Variants in SLC36A4 observed in about 807,000 individuals in gnomAD.
SLC36A4 encodes the protein neutral amino acid uniporter 4.
A neutral mutation model predicts 50.5 loss-of-function variants in SLC36A4; 49 were observed. The observed-to-expected ratio is 0.97, with a 90% CI of 0.77 to 1.23. The LOEUF (loss-of-function observed/expected upper bound fraction) is 1.23. Among genes scored for constraint, SLC36A4 ranks in the 50% most tolerant of loss-of-function variants. The pLI, the probability that SLC36A4 is intolerant of heterozygous loss-of-function variation, is 0.00. For missense variants in SLC36A4, 611 were observed against 608.4 expected, an observed-to-expected ratio of 1.00 and a Z score of -0.05; for synonymous variants, 207 against 206.5, an observed-to-expected ratio of 1.00 and a Z score of -0.02.
In SLC36A4 at chr11:93,197,958, C is replaced by T. The variant is rs1028418666; in HGVS notation, c.-126G>A. 10 of 1,001,108 alleles carry T rather than the reference C, an allele frequency of 1.0e-5. No individual in the cohort carries two copies. Among genetic ancestry groups the T allele is most frequent in the Non-Finnish European group, 1.2e-5 (9 of 738,918 alleles). 62.0% of individuals were successfully genotyped at this position (1,001,108 alleles called of 1,614,324 possible). A position where few individuals can be genotyped will look rare whatever the true frequency, so the allele number is the denominator to read the frequency against. ...CGCGCCTGGTGCCCGCCTCCCTGCC[C>T]CGGCGCTCCCCAACCGCGCGGCGAG... On this transcript the variant is annotated 5_prime_UTR_variant, in exon 1 of 11. Coordinates refer to ENST00000326402, the MANE Select transcript of SLC36A4 (RefSeq NM_152313.4).
At chr11:93,173,438 C>T (rs1390393114) in intron 6 of SLC36A4, among the ~76,000 whole-genome samples, 59 of 147,800 alleles carry the variant, frequency 4.0e-4, no homozygotes, top group African/African-American at 1.4e-3. Context: ...TGTGCAGAAG[C>T]TCTTTAGTTT....
chr11:93,169,929 T>C (rs545090172), intron 6 of SLC36A4, among the ~76,000 whole-genome samples: 1 of 152,182 alleles, frequency 6.6e-6, no homozygotes, highest in African/African-American at 2.4e-5. Flanking sequence ...CAAGGATAAC[T>C]GGCAAGAGAA....
At chr11:93,172,894 T>A (rs369424801) in intron 6 of SLC36A4, among the ~76,000 whole-genome samples, 2 of 135,792 alleles carry the variant, frequency 1.5e-5, no homozygotes, top group Admixed American at 1.5e-4. Context: ...TGAATAATGC[T>A]GCAATAAACA....
chr11:93,173,273 G>A (rs1281093869), intron 6 of SLC36A4, among the ~76,000 whole-genome samples: 1 of 150,008 alleles, frequency 6.7e-6, no homozygotes, highest in Non-Finnish European at 1.5e-5. Context: ...CATGTCCTTC[G>A]CCCACTTTTT....
chr11:93,155,528 G>A (rs577763515), intron 9 of SLC36A4: 107 of 151,978 alleles, frequency 7.0e-4, no homozygotes, highest in African/African-American at 2.5e-3. Flanking sequence ...TATAAATGTC[G>A]ACATTAATGG....
At chr11:93,192,589 T>C (rs571013488) in intron 1 of SLC36A4, among the ~76,000 whole-genome samples, 1 of 152,360 alleles carries the variant, frequency 6.6e-6, no homozygotes, top group Admixed American at 6.5e-5. Flanking sequence ...TTAATTTTAA[T>C]ATTTTATTTA....
At chr11:93,159,877 GC>G in intron 9 of SLC36A4, 2 of 985,254 alleles carry the variant, frequency 2.0e-6, no homozygotes, top group Non-Finnish European at 2.4e-6. Context: ...CTGAGACTTT[GC>G]CAATCTGTAC....
chr11:93,183,271 G>A (rs1055366885), intron 3 of SLC36A4, among the ~76,000 whole-genome samples: 4 of 152,090 alleles, frequency 2.6e-5, no homozygotes, highest in East Asian at 3.9e-4. Context: ...AATATCAAAC[G>A]GAGACTGTGA....
At chr11:93,158,952 C>A (rs1389654967) in intron 9 of SLC36A4, among the ~76,000 whole-genome samples, 1 of 152,034 alleles carries the variant, frequency 6.6e-6, no homozygotes, top group Non-Finnish European at 1.5e-5. Context: ...TTTTAAAACT[C>A]CTCGCTGCCA....
At chr11:93,185,441 C>T (rs1861940688) in intron 2 of SLC36A4, 1 of 303,984 alleles carries the variant, frequency 3.3e-6, no homozygotes, top group Non-Finnish European at 6.0e-6. Context: ...CATTCCTGTT[C>T]CACTTAATCA....
intron 8 of SLC36A4, among the ~76,000 whole-genome samples, chr11:93,164,394 A>G (rs1195519151): frequency 6.6e-6 from 1 of 152,238 alleles, no homozygotes; most frequent in Non-Finnish European, 1.5e-5. Flanking sequence ...ATTAGGCCAT[A>G]CAGTCAAAGA....
intron 6 of SLC36A4, among the ~76,000 whole-genome samples, chr11:93,174,019 T>G (rs1861326330): frequency 6.7e-6 from 1 of 150,106 alleles, no homozygotes; most frequent in Admixed American, 6.6e-5. Flanking sequence ...TGGCATTGAA[T>G]CTGTAAATTA....
At chr11:93,160,527 G>A (rs552311894) in intron 9 of SLC36A4, 34 of 985,270 alleles carry the variant, frequency 3.5e-5, no homozygotes, top group Non-Finnish European at 4.1e-5. Flanking sequence ...GAAAAGGGAA[G>A]GATTAATTGG....
chr11:93,162,908 G>T (rs1228057681), intron 8 of SLC36A4, 33 bp from the exon 9 acceptor site: 8 of 1,580,882 alleles, frequency 5.1e-6, no homozygotes, highest in Non-Finnish European at 6.9e-6. Flanking sequence ...TTTTTTAAGG[G>T]AATACAAGTA....
intron 4 of SLC36A4, 26 bp from the exon 5 acceptor site, chr11:93,181,812 A>T (rs1488371435): frequency 2.0e-6 from 3 of 1,514,260 alleles, no homozygotes; most frequent in Admixed American, 4.6e-5. Flanking sequence ...ATACATACAA[A>T]GGAAAAAAGA....
intron 6 of SLC36A4, among the ~76,000 whole-genome samples, chr11:93,176,651 C>G (rs544900854): frequency 6.6e-6 from 1 of 151,940 alleles, no homozygotes. Flanking sequence ...CTGGTAGTGA[C>G]AAAATCTCTC....
At chr11:93,183,480 T>C (rs1861829580) in intron 3 of SLC36A4, among the ~76,000 whole-genome samples, 1 of 152,108 alleles carries the variant, frequency 6.6e-6, no homozygotes, top group South Asian at 2.1e-4. Context: ...GTTTTTATCA[T>C]CTAAATTAGG....
At chr11:93,156,281 G>C (rs1420286175) in intron 9 of SLC36A4, among the ~76,000 whole-genome samples, 1 of 152,042 alleles carries the variant, frequency 6.6e-6, no homozygotes, top group Non-Finnish European at 1.5e-5. Flanking sequence ...ATTCTGACAA[G>C]TGTGGGATGG....
chr11:93,182,764 A>C (rs1357388224), intron 4 of SLC36A4, 42 bp downstream of exon 4: 1 of 1,430,904 alleles, frequency 7.0e-7, no homozygotes, highest in East Asian at 2.3e-5. Context: ...TGTAAATAAA[A>C]GATAGCTTTA....
Sources: gnomAD v4.1 joint callset for allele counts (sites outside exome capture counted in the v4.1 genomes callset) on GRCh38, gnomAD v4.1.1 for gene constraint, MANE v1.5 for transcripts, NCBI Gene and HGNC (gene_info 2026-07-23, HGNC 2026-07-21) for gene names.